The following SPOCK3 variants were observed in gnomAD, a reference collection of about 807,000 sequenced individuals.
The protein encoded by SPOCK3 is SPARC (osteonectin), cwcv and kazal like domains proteoglycan 3.
Under a neutral mutation model 56.6 loss-of-function variants are expected in SPOCK3, and 30 were observed. The ratio of observed to expected loss-of-function variants is 0.53; its 90% confidence interval spans 0.40 to 0.72. SPOCK3 has a LOEUF of 0.72. Ranked by LOEUF, SPOCK3 falls within the 30% of genes least tolerant of loss-of-function variation. SPOCK3 has a pLI of 0.00. For synonymous variants in SPOCK3, 196 were observed against 183.3 expected, an observed-to-expected ratio of 1.07 and a Z score of -0.56; for missense variants, 527 against 530.0, an observed-to-expected ratio of 0.99 and a Z score of 0.06.
At chr4:167,010,227 A>G (rs920427393) in intron 3 of SPOCK3, among the ~76,000 whole-genome samples, 2 of 152,138 alleles carry the variant, frequency 1.3e-5, no homozygotes, top group Non-Finnish European at 2.9e-5. Flanking sequence ...TAATTATCAA[A>G]TAAGAATTCC....
chr4:167,225,017 TC>T (rs1199734970), intron 2 of SPOCK3, among the ~76,000 whole-genome samples: 1 of 152,184 alleles, frequency 6.6e-6, no homozygotes, highest in African/African-American at 2.4e-5. Flanking sequence ...CAATAACTAT[TC>T]TAATCAAACA....
At chr4:167,199,556 C>A (rs2110914342) in intron 2 of SPOCK3, among the ~76,000 whole-genome samples, 1 of 152,068 alleles carries the variant, frequency 6.6e-6, no homozygotes, top group African/African-American at 2.4e-5. Flanking sequence ...TGAATTCATT[C>A]TAGGTCAGCT....
intron 2 of SPOCK3, among the ~76,000 whole-genome samples, chr4:167,136,373 T>A (rs1345526412): frequency 6.6e-6 from 1 of 151,632 alleles, no homozygotes; most frequent in East Asian, 1.9e-4. Context: ...TCTTAATACC[T>A]TTTTTTGGGC....
chr4:166,993,518 G>A (rs1748027431), intron 4 of SPOCK3, among the ~76,000 whole-genome samples: 2 of 152,086 alleles, frequency 1.3e-5, no homozygotes, highest in South Asian at 4.1e-4. Context: ...TTAAGCATCT[G>A]TCTCACATTT....
intron 2 of SPOCK3, 87 bp downstream of exon 2, chr4:167,233,898 C>G (rs1009899993): frequency 1.5e-5 from 17 of 1,171,642 alleles, no homozygotes; most frequent in Non-Finnish European, 2.0e-5. Context: ...AAAACGGAGC[C>G]CACTCCCCAC....
At chr4:167,066,061 A>G (rs1043506499) in intron 2 of SPOCK3, among the ~76,000 whole-genome samples, 2 of 151,828 alleles carry the variant, frequency 1.3e-5, no homozygotes, top group Non-Finnish European at 2.9e-5. Flanking sequence ...AATAATAACT[A>G]TAAGTTTTCC....
chr4:167,094,857 G>C (rs1352076414), intron 2 of SPOCK3, among the ~76,000 whole-genome samples: 1 of 152,048 alleles, frequency 6.6e-6, no homozygotes, highest in Admixed American at 6.6e-5. Flanking sequence ...GACACAGAGA[G>C]AAAGAGATTA....
intron 2 of SPOCK3, among the ~76,000 whole-genome samples, chr4:167,191,583 A>T (rs1732472549): frequency 6.9e-6 from 1 of 145,188 alleles, no homozygotes; most frequent in South Asian, 2.1e-4. Context: ...TTTCTTTTTC[A>T]GATACTTGGT....
chr4:166,891,866 T>C (rs1560979103), intron 5 of SPOCK3, among the ~76,000 whole-genome samples: 1 of 152,012 alleles, frequency 6.6e-6, no homozygotes, highest in Non-Finnish European at 1.5e-5. Context: ...CAAAAGTCAA[T>C]ATTAATTATA....
intron 4 of SPOCK3, among the ~76,000 whole-genome samples, chr4:166,979,292 C>T (rs1046288489): frequency 6.6e-6 from 1 of 152,038 alleles, no homozygotes; most frequent in Non-Finnish European, 1.5e-5. Context: ...CCCTCTTTCT[C>T]CTGCACCATA....
At chr4:167,187,597 C>A (rs1207595692) in intron 2 of SPOCK3, among the ~76,000 whole-genome samples, 2 of 151,962 alleles carry the variant, frequency 1.3e-5, no homozygotes, top group South Asian at 2.1e-4. Flanking sequence ...TATGATTAAT[C>A]TTTTTATGCT....
intron 3 of SPOCK3, among the ~76,000 whole-genome samples, chr4:167,042,160 G>T (rs753689827): frequency 2.6e-5 from 4 of 152,064 alleles, no homozygotes; most frequent in Non-Finnish European, 4.4e-5. Flanking sequence ...TTGATTCCAG[G>T]ATCTCCAGAA....
At chr4:166,745,141 C>G (rs1163913895) in intron 8 of SPOCK3, among the ~76,000 whole-genome samples, 1 of 152,032 alleles carries the variant, frequency 6.6e-6, no homozygotes, top group African/African-American at 2.4e-5. Flanking sequence ...CAGAGAACAC[C>G]ACAAAGACAT....
intron 3 of SPOCK3, chr4:167,011,201 A>G: frequency 2.2e-6 from 1 of 446,462 alleles, no homozygotes; most frequent in Non-Finnish European, 4.5e-6. Flanking sequence ...AAATACAAAA[A>G]AAAATGCGGG....
intron 6 of SPOCK3, among the ~76,000 whole-genome samples, chr4:166,819,189 G>A (rs184369458): frequency 6.6e-6 from 1 of 151,920 alleles, no homozygotes; most frequent in African/African-American, 2.4e-5. Flanking sequence ...CAAGAAAAAT[G>A]CTCAAAAAAC....
At chr4:166,748,812 CA>C (rs1735985452) in intron 8 of SPOCK3, among the ~76,000 whole-genome samples, 1 of 136,860 alleles carries the variant, frequency 7.3e-6, no homozygotes, top group Admixed American at 7.0e-5. Context: ...ACAACCCCAT[CA>C]AAAAGTGGGT....
chr4:167,099,646 C>A (rs954045128), intron 2 of SPOCK3, among the ~76,000 whole-genome samples: 1 of 152,022 alleles, frequency 6.6e-6, no homozygotes, highest in African/African-American at 2.4e-5. Flanking sequence ...ATAATTTCTT[C>A]ATTTCATTAC....
chr4:167,079,353 A>G (rs1001046382), intron 2 of SPOCK3, among the ~76,000 whole-genome samples: 3 of 152,018 alleles, frequency 2.0e-5, no homozygotes, highest in Non-Finnish European at 2.9e-5. Flanking sequence ...GATAGAATCT[A>G]ATTTATGCTC....
At chr4:166,980,383 T>C (rs1349501676) in intron 4 of SPOCK3, among the ~76,000 whole-genome samples, 5 of 152,260 alleles carry the variant, frequency 3.3e-5, no homozygotes, top group Non-Finnish European at 7.3e-5. Flanking sequence ...TGCTTGATTA[T>C]GTCAATTGAG....
Sources: allele counts gnomAD v4.1 joint callset (sites outside exome capture counted in the v4.1 genomes callset), GRCh38; gene constraint gnomAD v4.1.1; transcripts MANE v1.5; gene names NCBI Gene and HGNC (gene_info 2026-07-23, HGNC 2026-07-21).